Variants in TCF12 observed in about 807,000 individuals in gnomAD.
The protein encoded by TCF12 is transcription factor 12.
Under a neutral mutation model 86.0 loss-of-function variants are expected in TCF12, and 45 were observed. The observed-to-expected ratio is 0.52, with a 90% CI of 0.41 to 0.67. TCF12 has a LOEUF of 0.67. TCF12 is among the 30% of genes least tolerant of loss of function. The pLI is 0.00. For synonymous variants in TCF12, 330 were observed against 299.6 expected (o/e 1.10, Z -1.05); for missense variants, 881 against 859.9 (o/e 1.02, Z -0.31).
At chr15:57,188,989 A>T (rs1268859385) in intron 6 of TCF12, among the ~76,000 whole-genome samples, 1 of 152,146 alleles carries the variant, frequency 6.6e-6, no homozygotes, top group African/African-American at 2.4e-5. Context: ...GGACCGCCCT[A>T]TGTGGCCCAG....
intron 5 of TCF12, among the ~76,000 whole-genome samples, chr15:57,112,154 A>T (rs1389821477): frequency 5.3e-5 from 8 of 152,204 alleles, no homozygotes; most frequent in Admixed American, 2.0e-4. Flanking sequence ...GTCCAGAAAC[A>T]TGAGCCTGCT....
chr15:57,249,775 T>C (rs140356405), intron 13 of TCF12, among the ~76,000 whole-genome samples: 109 of 152,322 alleles, frequency 7.2e-4, no homozygotes, highest in African/African-American at 2.6e-3. Context: ...AACTTCGATT[T>C]CTAATATAAT....
chr15:57,007,796 T>TTCTC lies in TCF12; in HGVS notation c.149-55951_149-55950insCTCT, dbSNP rs573409165. ...TTTCTTTCTTTCTTTCTTTCTCTCTTTCTTTCTTTCTTTCTTTCTTTCTTT... is the reference window on the plus strand; with the variant it reads ...TTTCTTTCTTTCTTTCTTTCTCTCTTTCTCTCTTTCTTTCTTTCTTTCTTTCTTT... On this transcript the variant is annotated intron_variant, in intron 3 of 20. Coordinates refer to ENST00000333725, the MANE Select transcript of TCF12 (RefSeq NM_207037.2). Among the ~76,000 whole-genome samples, 127 of 136,800 alleles carry TTCTC rather than the reference T, an allele frequency of 9.3e-4. 2 individuals are homozygous for TTCTC. The highest frequency in any genetic ancestry group is 3.6e-3 in the African/African-American group (123 of 33,778). The allele number at this position is 136,800 out of a possible 152,430, so 89.7% of individuals were successfully genotyped here. A position where few individuals can be genotyped will look rare whatever the true frequency, so the allele number is the denominator to read the frequency against.
At chr15:57,091,011 G>A (rs1305751731) in intron 4 of TCF12, among the ~76,000 whole-genome samples, 1 of 152,040 alleles carries the variant, frequency 6.6e-6, no homozygotes, top group African/African-American at 2.4e-5. Context: ...AAAAAAATAT[G>A]TTTTAAACTA....
At chr15:56,924,157 G>T (rs2059907663) in intron 3 of TCF12, among the ~76,000 whole-genome samples, 1 of 152,004 alleles carries the variant, frequency 6.6e-6, no homozygotes, top group African/African-American at 2.4e-5. Context: ...ATATGCAGTT[G>T]TAAGAAACTA....
Position 57,182,423 on chromosome 15 carries a change from A to C in TCF12, c.391-9735A>C, listed in dbSNP as rs570025780. Among the ~76,000 whole-genome samples, 4 of 152,228 alleles carry C rather than the reference A, an allele frequency of 2.6e-5. No individual in the cohort carries two copies. In the East Asian group the frequency reaches 7.7e-4, roughly 29 times the overall value. On this transcript the variant is annotated intron_variant, in intron 6 of 20. Coordinates refer to ENST00000333725, the MANE Select transcript of TCF12 (RefSeq NM_207037.2). ...TTAAATATTATTTTGTAGACTGTCA[A>C]GTCCTTGTGGACAAAATTTTGTCTT...
At chr15:57,078,757 A>G (rs1487879835) in intron 4 of TCF12, among the ~76,000 whole-genome samples, 7 of 152,230 alleles carry the variant, frequency 4.6e-5, no homozygotes, top group African/African-American at 1.7e-4. Flanking sequence ...ATCAAAAAGC[A>G]CACCTGGCAT....
At chr15:57,258,694 T>C (rs1321089313) in intron 16 of TCF12, among the ~76,000 whole-genome samples, 2 of 152,184 alleles carry the variant, frequency 1.3e-5, no homozygotes, top group Non-Finnish European at 2.9e-5. Flanking sequence ...AGAAGTGACA[T>C]ATTCTTGTAT....
At chr15:57,187,343 G>T (rs1412961957) in intron 6 of TCF12, among the ~76,000 whole-genome samples, 5 of 152,120 alleles carry the variant, frequency 3.3e-5, no homozygotes, top group Admixed American at 2.6e-4. Context: ...ATCTCGCTAA[G>T]ATTGGGAACA....
At chr15:57,223,252 T>C (rs2058685552) in intron 8 of TCF12, among the ~76,000 whole-genome samples, 1 of 152,022 alleles carries the variant, frequency 6.6e-6, no homozygotes, top group Non-Finnish European at 1.5e-5. Context: ...AAGCACATTT[T>C]CTCCTTTGTA....
intron 3 of TCF12, among the ~76,000 whole-genome samples, chr15:56,984,969 G>A (rs904247312): frequency 2.0e-5 from 3 of 152,134 alleles, no homozygotes; most frequent in African/African-American, 4.8e-5. Flanking sequence ...ACCAGTAAAT[G>A]TGGTAGAAAT....
At chr15:57,190,759 A>G (rs1315775192) in intron 6 of TCF12, among the ~76,000 whole-genome samples, 1 of 152,180 alleles carries the variant, frequency 6.6e-6, no homozygotes, top group African/African-American at 2.4e-5. Context: ...ATGTCACTGT[A>G]GCATACCTCA....
intron 5 of TCF12, among the ~76,000 whole-genome samples, chr15:57,144,867 GC>G (rs2053246995): frequency 6.6e-6 from 1 of 152,120 alleles, no homozygotes; most frequent in Admixed American, 6.6e-5. Context: ...CTCCCAAAGT[GC>G]TGGGATTACA....
chr15:57,037,781 C>T (rs1008310993), intron 3 of TCF12, among the ~76,000 whole-genome samples: 1 of 152,192 alleles, frequency 6.6e-6, no homozygotes, highest in African/African-American at 2.4e-5. Context: ...ATCTTTCTCA[C>T]ACACATGTAC....
intron 8 of TCF12, among the ~76,000 whole-genome samples, chr15:57,230,799 A>G (rs1393116087): frequency 6.6e-6 from 1 of 152,014 alleles, no homozygotes; most frequent in Non-Finnish European, 1.5e-5. Flanking sequence ...TATTGAAAGG[A>G]CATTTGTTTG....
At chr15:57,080,674 AT>A (rs2070558139) in intron 4 of TCF12, among the ~76,000 whole-genome samples, 1 of 152,190 alleles carries the variant, frequency 6.6e-6, no homozygotes, top group Non-Finnish European at 1.5e-5. Context: ...ATCTCTGTGA[AT>A]AATTTCCTTT....
intron 5 of TCF12, among the ~76,000 whole-genome samples, chr15:57,152,219 A>G (rs1329324373): frequency 6.6e-6 from 1 of 152,188 alleles, no homozygotes; most frequent in African/African-American, 2.4e-5. Flanking sequence ...TAAATATACT[A>G]CTGTTCTACC....
At chr15:57,088,787 C>G (rs563051134) in intron 4 of TCF12, among the ~76,000 whole-genome samples, 1 of 152,208 alleles carries the variant, frequency 6.6e-6, no homozygotes, top group African/African-American at 2.4e-5. Context: ...AGCAAGATCT[C>G]TACTCGTTTG....
At chr15:57,210,439 G>C (rs2058054097) in intron 8 of TCF12, among the ~76,000 whole-genome samples, 1 of 151,900 alleles carries the variant, frequency 6.6e-6, no homozygotes, top group Admixed American at 6.6e-5. Flanking sequence ...AAAAGAGAGA[G>C]CTCCAGGTTT....
Sources: gnomAD v4.1 joint callset for allele counts (sites outside exome capture counted in the v4.1 genomes callset) on GRCh38, gnomAD v4.1.1 for gene constraint, MANE v1.5 for transcripts, NCBI Gene and HGNC (gene_info 2026-07-23, HGNC 2026-07-21) for gene names.